AKAP10: variants seen among roughly 807,000 people sequenced by gnomAD.
AKAP10 encodes the protein A-kinase anchor protein 10, mitochondrial.
A neutral mutation model predicts 80.8 loss-of-function variants in AKAP10; 24 were observed. The ratio of observed to expected loss-of-function variants is 0.30; its 90% CI spans 0.22 to 0.42. The LOEUF is 0.42. Ranked by LOEUF, AKAP10 falls within the 10% of genes least tolerant of loss-of-function variation. The probability of loss-of-function intolerance (pLI) is 1.00; values close to 1 mark genes in which losing one functional copy is unlikely to be tolerated. For missense variants in AKAP10, 661 were observed against 794.9 expected, an observed-to-expected ratio of 0.83 and a Z score of 2.03; for synonymous variants, 291 against 277.7, an observed-to-expected ratio of 1.05 and a Z score of -0.48.
intron 4 of AKAP10, among the ~76,000 whole-genome samples, chr17:19,951,601 C>T: frequency 1.3e-5 from 2 of 152,048 alleles, no homozygotes; most frequent in Non-Finnish European, 2.9e-5. Context: ...TTACCCCCAA[C>T]CCCCTGCTCT....
intron 1 of AKAP10, among the ~76,000 whole-genome samples, chr17:19,969,716 T>C (rs979366159): frequency 2.0e-5 from 3 of 152,182 alleles, no homozygotes; most frequent in African/African-American, 7.2e-5. Flanking sequence ...TGTTGAGTGC[T>C]TGGTATGTGC....
chr17:19,946,237 T>TATTATTTATA (rs1491288818), intron 5 of AKAP10, among the ~76,000 whole-genome samples: 1 of 15,184 alleles, frequency 6.6e-5, no homozygotes, highest in Non-Finnish European at 1.0e-4. Context: ...TATATATATA[T>TATTATTTATA]TATATATATA....
In AKAP10 at chr17:19,964,390, C is replaced by T. The variant is rs1050641083; in HGVS notation, c.137-1368G>A. 1.3e-5 allele frequency among the ~76,000 whole-genome samples: 2 copies of T among 152,190 alleles called. 1 individual carries two copies. The highest frequency in any genetic ancestry group is 4.1e-4 in the South Asian group (2 of 4,828). On this transcript the variant is annotated intron_variant, in intron 2 of 14. Coordinates refer to ENST00000225737, the MANE Select transcript of AKAP10 (RefSeq NM_007202.4). ...CTCCTAATTTCCTCTTCTATCTGCTCATTGCTCTCATTCTTTTAATACCCA... is the reference window on the plus strand; with the variant it reads ...CTCCTAATTTCCTCTTCTATCTGCTTATTGCTCTCATTCTTTTAATACCCA...
At chr17:19,933,640 C>T (rs962498839) in intron 9 of AKAP10, among the ~76,000 whole-genome samples, 1 of 152,004 alleles carries the variant, frequency 6.6e-6, no homozygotes, top group African/African-American at 2.4e-5. Context: ...TAATTTTAAT[C>T]GTGAAAATAT....
intron 2 of AKAP10, among the ~76,000 whole-genome samples, chr17:19,967,721 A>G (rs750918589): frequency 7.5e-4 from 114 of 151,866 alleles, no homozygotes; most frequent in Non-Finnish European, 1.1e-3. Flanking sequence ...TGTCTCTACT[A>G]AAAATACAAA....
intron 9 of AKAP10, among the ~76,000 whole-genome samples, chr17:19,932,995 C>T (rs771314287): frequency 6.6e-6 from 1 of 151,850 alleles, no homozygotes; most frequent in Non-Finnish European, 1.5e-5. Context: ...TATTTATGTT[C>T]GTATTTAATA....
intron 9 of AKAP10, among the ~76,000 whole-genome samples, chr17:19,933,440 T>C (rs763294850): frequency 4.6e-5 from 7 of 152,248 alleles, no homozygotes; most frequent in South Asian, 2.1e-4. Flanking sequence ...GAATCATTCA[T>C]GTCTTTTTTC....
At chr17:19,962,509 T>TA (rs1292718690) in intron 3 of AKAP10, among the ~76,000 whole-genome samples, 13 of 152,310 alleles carry the variant, frequency 8.5e-5, no homozygotes, top group South Asian at 4.1e-4. Context: ...TGTCAAACTT[T>TA]AAAAAATATG....
intron 6 of AKAP10, 77 bp downstream of exon 6, chr17:19,941,749 T>G (rs1436648603): frequency 9.4e-7 from 1 of 1,059,458 alleles, no homozygotes; most frequent in African/African-American, 1.6e-5. Flanking sequence ...ACTTTGTTTT[T>G]AGCTGAGTGA....
intron 4 of AKAP10, among the ~76,000 whole-genome samples, chr17:19,950,242 T>C (rs2043184520): frequency 6.6e-6 from 1 of 151,498 alleles, no homozygotes; most frequent in East Asian, 1.9e-4. Flanking sequence ...AATAAATAAG[T>C]AAGATAAATA....
chr17:19,926,475 A>C (rs2042876405), intron 10 of AKAP10, among the ~76,000 whole-genome samples: 1 of 152,176 alleles, frequency 6.6e-6, no homozygotes, highest in South Asian at 2.1e-4. Flanking sequence ...CTAGCCAGAA[A>C]AAAAACTATC....
chr17:19,907,008 T>A (rs1214664878), intron 14 of AKAP10, among the ~76,000 whole-genome samples: 1 of 144,986 alleles, frequency 6.9e-6, no homozygotes, highest in Non-Finnish European at 1.5e-5. Flanking sequence ...GTTCTTCGAG[T>A]CTACTGTTTT....
intron 3 of AKAP10, 25 bp downstream of exon 3, chr17:19,962,815 T>A: frequency 1.2e-6 from 2 of 1,602,124 alleles, no homozygotes; most frequent in Non-Finnish European, 1.7e-6. Context: ...CTAATACAAG[T>A]TAATAAAAAA....
chr17:19,914,640 A>AAG (rs2042725682), intron 12 of AKAP10, among the ~76,000 whole-genome samples: 1 of 151,332 alleles, frequency 6.6e-6, no homozygotes, highest in East Asian at 1.9e-4. Flanking sequence ...AAAAAAAAAA[A>AAG]AAAAAAAAAA....
rs1440125174 is a variant in AKAP10, at chr17:19,908,066, T to C, written c.1983+1115A>G. Among the ~76,000 whole-genome samples the C allele has an allele frequency of 2.6e-5, 4 of 151,800 alleles. No homozygotes were observed. In the East Asian group the frequency reaches 5.9e-4, roughly 22 times the overall value. Reference sequence around the variant, plus strand: ...TTTTAATAGAGACGGGGTTGCACCATGTTAGCCAGGCTGGTCTTGAACTCC... The same window carrying C: ...TTTTAATAGAGACGGGGTTGCACCACGTTAGCCAGGCTGGTCTTGAACTCC... On this transcript the variant is annotated intron_variant, in intron 14 of 14. Coordinates refer to ENST00000225737, the MANE Select transcript of AKAP10 (RefSeq NM_007202.4).
chr17:19,916,823 G>A (rs961417497), intron 12 of AKAP10, among the ~76,000 whole-genome samples: 7 of 152,002 alleles, frequency 4.6e-5, no homozygotes, highest in Admixed American at 1.3e-4. Flanking sequence ...TGTGGTCCCT[G>A]CTACTCAGGA....
At chr17:19,977,445 G>T in intron 1 of AKAP10, 147 bp downstream of exon 1, 1 of 529,058 alleles carries the variant, frequency 1.9e-6, no homozygotes, top group Non-Finnish European at 2.9e-6. Context: ...TCCCGGAGCA[G>T]AGCAAGGCAC....
chr17:19,974,691 A>T (rs1191471177), intron 1 of AKAP10, among the ~76,000 whole-genome samples: 1 of 148,320 alleles, frequency 6.7e-6, no homozygotes, highest in Non-Finnish European at 1.5e-5. Flanking sequence ...CAGCCTCCAA[A>T]AAGCACCTAG....
In AKAP10 at chr17:19,939,726, T is replaced by G; in HGVS notation, c.1309A>C (p.Ile437Leu). The G allele has an allele frequency of 6.2e-7, 1 of 1,613,542 alleles. No homozygotes were observed. The highest frequency in any genetic ancestry group is 8.5e-7 in the Non-Finnish European group (1 of 1,179,918). ...AATATAACTCACTTGTCATATAAAA[T>G]CATGGCATCATTCTGTGCCTCCTGT... ...DGQEAQNDAM[I>L]LYDKYFSLQA... The change falls in exon 8 of 15, where the codon ATT becomes CTT. Residue 437 changes from isoleucine to leucine, a missense_variant. Transcript: ENST00000225737.
Sources: allele counts gnomAD v4.1 joint callset (sites outside exome capture counted in the v4.1 genomes callset), GRCh38; gene constraint gnomAD v4.1.1; transcripts MANE v1.5; gene names NCBI Gene and HGNC (gene_info 2026-07-23, HGNC 2026-07-21).